Variants in SCAPER observed in about 807,000 individuals in gnomAD.
The protein encoded by SCAPER is S-phase cyclin A associated protein in the ER.
A neutral mutation model predicts 182.2 loss-of-function variants in SCAPER; 98 were observed. The ratio of observed to expected loss-of-function variants is 0.54; its 90% CI spans 0.46 to 0.64. The LOEUF (loss-of-function observed/expected upper bound fraction) is 0.64, where lower values mean the gene tolerates loss of function less well. Ranked by LOEUF, SCAPER falls within the 30% of genes least tolerant of loss-of-function variation. SCAPER has a pLI of 0.00. For missense variants in SCAPER, 1,432 were observed against 1,690.0 expected (o/e 0.85, Z 2.68); for synonymous variants, 605 against 564.6 (o/e 1.07, Z -1.01).
chr15:76,850,681 T>C (rs984856417), intron 4 of SCAPER, among the ~76,000 whole-genome samples: 1 of 151,434 alleles, frequency 6.6e-6, no homozygotes, highest in Admixed American at 6.6e-5. Flanking sequence ...GCCAACACAG[T>C]GAAACACCAT....
chr15:76,445,883 C>T (rs1439878981), intron 25 of SCAPER, among the ~76,000 whole-genome samples: 1 of 152,180 alleles, frequency 6.6e-6, no homozygotes, highest in Non-Finnish European at 1.5e-5. Context: ...TCTCTAACAC[C>T]ACCAAGGGAT....
At chr15:76,857,669 C>T (rs1459911961) in intron 4 of SCAPER, 140 bp downstream of exon 4, 3 of 588,614 alleles carry the variant, frequency 5.1e-6, no homozygotes, top group African/African-American at 3.7e-5. Context: ...ACCATATACA[C>T]ATTTGTTTTT....
At chr15:76,826,917 T>C (rs1184491659) in intron 5 of SCAPER, among the ~76,000 whole-genome samples, 1 of 152,236 alleles carries the variant, frequency 6.6e-6, no homozygotes, top group Non-Finnish European at 1.5e-5. Context: ...CTAGATTATA[T>C]GATTTTTAAG....
chr15:76,722,616 G>T (rs1323717945), intron 17 of SCAPER, among the ~76,000 whole-genome samples: 1 of 152,162 alleles, frequency 6.6e-6, no homozygotes, highest in East Asian at 1.9e-4. Flanking sequence ...CCTGTTATTG[G>T]TCTATTCAGA....
intron 8 of SCAPER, among the ~76,000 whole-genome samples, chr15:76,780,581 G>A (rs950339709): frequency 6.6e-6 from 1 of 152,158 alleles, no homozygotes; most frequent in African/African-American, 2.4e-5. Flanking sequence ...TCCTCAAGTG[G>A]GTCCCTAACG....
chr15:76,869,996 A>G (rs1390501058), intron 2 of SCAPER, among the ~76,000 whole-genome samples: 1 of 152,194 alleles, frequency 6.6e-6, no homozygotes, highest in Non-Finnish European at 1.5e-5. Context: ...CCAAACACAG[A>G]AAGAGAACTA....
intron 20 of SCAPER, among the ~76,000 whole-genome samples, chr15:76,673,982 CACACA>C (rs2057206404): frequency 1.4e-5 from 2 of 143,146 alleles, no homozygotes; most frequent in Admixed American, 6.9e-5. Context: ...CACACACACA[CACACA>C]CACCCCAATC....
intron 25 of SCAPER, among the ~76,000 whole-genome samples, chr15:76,458,772 T>C (rs1216189267): frequency 6.6e-6 from 1 of 152,214 alleles, no homozygotes; most frequent in East Asian, 1.9e-4. Flanking sequence ...TTATTCCTTC[T>C]ATTTAACTGT....
chr15:76,747,347 C>G (rs965215427), intron 15 of SCAPER, among the ~76,000 whole-genome samples: 9 of 152,056 alleles, frequency 5.9e-5, no homozygotes, highest in African/African-American at 2.2e-4. Flanking sequence ...ACTAAAAATA[C>G]AAACATTAGC....
chr15:76,373,941 A>T, intron 29 of SCAPER, among the ~76,000 whole-genome samples: 1 of 148,386 alleles, frequency 6.7e-6, no homozygotes, highest in Non-Finnish European at 1.5e-5. Flanking sequence ...AAGCAATTTC[A>T]GCTCTCGTTG....
intron 22 of SCAPER, among the ~76,000 whole-genome samples, chr15:76,619,947 T>C (rs1476399171): frequency 6.6e-6 from 1 of 152,016 alleles, no homozygotes; most frequent in Non-Finnish European, 1.5e-5. Flanking sequence ...ATGATGGCAC[T>C]TACCTGTAGT....
chr15:76,807,150 G>A (rs960060644), intron 5 of SCAPER, among the ~76,000 whole-genome samples: 1 of 152,076 alleles, frequency 6.6e-6, no homozygotes, highest in Non-Finnish European at 1.5e-5. Flanking sequence ...TTACCCAACG[G>A]GAAAGCTTTC....
At chr15:76,623,285 T>C (rs1424218086) in intron 21 of SCAPER, among the ~76,000 whole-genome samples, 5 of 152,210 alleles carry the variant, frequency 3.3e-5, no homozygotes, top group African/African-American at 7.2e-5. Flanking sequence ...TTTACTACAA[T>C]TGCTTTTGAG....
At chr15:76,518,374 A>C (rs1298619443) in intron 23 of SCAPER, among the ~76,000 whole-genome samples, 1 of 152,128 alleles carries the variant, frequency 6.6e-6, no homozygotes, top group Non-Finnish European at 1.5e-5. Flanking sequence ...TATTTATTGC[A>C]ATATATATAT....
chr15:76,694,727 A>G (rs1218799858), intron 20 of SCAPER, among the ~76,000 whole-genome samples: 2 of 152,156 alleles, frequency 1.3e-5, no homozygotes, highest in Non-Finnish European at 2.9e-5. Flanking sequence ...TACAACAGGA[A>G]AATCTAGTCA....
chr15:76,490,732 T>A (rs566598946), intron 24 of SCAPER, among the ~76,000 whole-genome samples: 2 of 152,218 alleles, frequency 1.3e-5, no homozygotes, highest in Non-Finnish European at 1.5e-5. Flanking sequence ...TATAAGGGTC[T>A]TCCCCTAAGT....
chr15:76,702,979 G>A lies in SCAPER; in HGVS notation c.2271C>T (p.His757=). The part of the protein sequence containing the change: ...QLKHDESIRR[H]MEQIEQRKEK... ...CTTTTCTTTGTTCAATCTGTTCCATGTGCCTTCGAATACTTTCATCATGCT... is the reference window on the plus strand; with the variant it reads ...CTTTTCTTTGTTCAATCTGTTCCATATGCCTTCGAATACTTTCATCATGCT... Residue 757 remains histidine, a synonymous_variant, in exon 19 of 32, where the codon CAC becomes CAT. Coordinates refer to ENST00000563290, the MANE Select transcript of SCAPER (RefSeq NM_020843.4). 1 of 1,588,920 alleles carries A rather than the reference G, an allele frequency of 6.3e-7. No homozygotes were observed. Among genetic ancestry groups the A allele is most frequent in the Non-Finnish European group, 8.5e-7 (1 of 1,171,592 alleles).
intron 5 of SCAPER, among the ~76,000 whole-genome samples, chr15:76,833,003 G>A (rs2068636549): frequency 6.6e-6 from 1 of 152,066 alleles, no homozygotes; most frequent in African/African-American, 2.4e-5. Flanking sequence ...AACCTCACTA[G>A]ACACATCAAC....
chr15:76,416,466 G>A (rs1171383621), intron 26 of SCAPER, among the ~76,000 whole-genome samples: 2 of 150,538 alleles, frequency 1.3e-5, no homozygotes, highest in East Asian at 2.0e-4. Context: ...TCCAGCCTGG[G>A]TGGCAGAGCG....
Sources: gnomAD v4.1 joint callset for allele counts (sites outside exome capture counted in the v4.1 genomes callset) on GRCh38, gnomAD v4.1.1 for gene constraint, MANE v1.5 for transcripts, NCBI Gene and HGNC (gene_info 2026-07-23, HGNC 2026-07-21) for gene names.